CWC15: variants seen among roughly 807,000 people sequenced by gnomAD.
CWC15 encodes spliceosome-associated protein CWC15 homolog.
A neutral mutation model predicts 28.4 loss-of-function variants in CWC15; 12 were observed. That is an observed-to-expected ratio of 0.42 (90% CI 0.27 to 0.69). The LOEUF is 0.69. Among genes scored for constraint, CWC15 ranks in the 30% least tolerant of loss-of-function variants. The pLI, the probability that CWC15 is intolerant of heterozygous loss-of-function variation, is 0.23. For missense variants in CWC15, 192 were observed against 271.5 expected, an observed-to-expected ratio of 0.71 and a Z score of 2.06; for synonymous variants, 92 against 88.4, an observed-to-expected ratio of 1.04 and a Z score of -0.23.
intron 5 of CWC15, among the ~76,000 whole-genome samples, chr11:94,969,420 T>C (rs1555095803): frequency 6.6e-6 from 1 of 152,190 alleles, no homozygotes; most frequent in East Asian, 1.9e-4. Context: ...CAGTATTGTT[T>C]TGCAAACCTC....
intron 4 of CWC15, 152 bp from the exon 5 acceptor site, chr11:94,970,248 C>CA: frequency 2.4e-6 from 1 of 413,346 alleles, no homozygotes; most frequent in Non-Finnish European, 4.3e-6. Flanking sequence ...CTCAAAAGTG[C>CA]AAAAAAGTGT....
At chr11:94,967,490 C>CT (rs1302261086) in intron 5 of CWC15, among the ~76,000 whole-genome samples, 1 of 152,166 alleles carries the variant, frequency 6.6e-6, no homozygotes, top group African/African-American at 2.4e-5. Context: ...CTAGATCTAC[C>CT]TGTTAACATG....
At position 94,970,076 on chromosome 11, in the gene CWC15, T is replaced by C. The variant is rs1590959620; in HGVS notation, c.354A>G (p.Glu118=). 6.5e-7 allele frequency: 1 copy of C among 1,531,296 alleles called. No homozygotes were observed. The highest frequency in any genetic ancestry group is 2.3e-5 in the East Asian group (1 of 42,952). 94.9% of individuals were successfully genotyped at this position (1,531,296 alleles called of 1,614,324 possible). The stretch of plus-strand genomic sequence containing the variant: ...CAGTATCATCATCATCACTTTCTTC[T>C]TCAAAATCTTCATCTTCCTCCTAAA... The part of the protein sequence containing the change: ...PLTDEEDEDF[E]EESDDDDTAA... Residue 118 remains glutamate, a synonymous_variant, in exon 5 of 7, where the codon GAA becomes GAG. Coordinates refer to ENST00000279839, the MANE Select transcript of CWC15 (RefSeq NM_016403.4).
chr11:94,971,405 T>C lies in CWC15; in HGVS notation c.214A>G (p.Arg72Gly). 1 of 1,612,974 alleles carries C rather than the reference T, an allele frequency of 6.2e-7. No homozygotes were observed. The highest frequency in any genetic ancestry group is 8.5e-7 in the Non-Finnish European group (1 of 1,179,412). Residue 72 changes from arginine to glycine, a missense_variant, in exon 3 of 7, where the codon AGA (arginine) becomes GGA (glycine). This residue lies in a region of CWC15 where 188 missense variants were observed against 250.3 expected (regional missense o/e 0.75). Coordinates refer to ENST00000279839, the MANE Select transcript of CWC15 (RefSeq NM_016403.4). ...GTTGGACGATCCCTATTTTTCTCTCTTGCAGCAGCTCTCTCTCTTTCTTCC... is the reference window on the plus strand; with the variant it reads ...GTTGGACGATCCCTATTTTTCTCTCCTGCAGCAGCTCTCTCTCTTTCTTCC... ...ELEERERAAA[R>G]EKNRDRPTRE... is the part of the protein sequence containing the mutation.
intron 3 of CWC15, 151 bp downstream of exon 3, chr11:94,971,224 G>T: frequency 1.1e-6 from 1 of 934,170 alleles, no homozygotes; most frequent in Non-Finnish European, 1.7e-6. Flanking sequence ...GTAAATATTT[G>T]TTGTTATTAT....
At chr11:94,972,758 T>C (rs782801118) in intron 1 of CWC15, among the ~76,000 whole-genome samples, 11 of 152,112 alleles carry the variant, frequency 7.2e-5, no homozygotes, top group Non-Finnish European at 1.6e-4. Context: ...CAATGACAGT[T>C]ACACAGAAAA....
At chr11:94,971,676 C>A (rs1195522249) in intron 2 of CWC15, among the ~76,000 whole-genome samples, 189 bp from the exon 3 acceptor site, 2 of 152,200 alleles carry the variant, frequency 1.3e-5, no homozygotes, top group Admixed American at 6.5e-5. Flanking sequence ...CCCAATATTT[C>A]AAGAAGTCCA....
At position 94,973,527 on chromosome 11, in the gene CWC15, G is replaced by A. The variant is rs908581569; in HGVS notation, c.-38C>T. On this transcript the variant is annotated 5_prime_UTR_variant, in exon 1 of 7. Transcript: ENST00000279839. The stretch of plus-strand genomic sequence containing the variant: ...GCCGAGGTCCGATGCAGCAGGCTCC[G>A]AAGATCATACAGACGCCATTACCAC... 1.3e-5 allele frequency: 2 copies of A among 152,390 alleles called. No homozygotes were observed. Among genetic ancestry groups the A allele is most frequent in the Non-Finnish European group, 2.9e-5 (2 of 68,158 alleles). The allele number at this position is 152,390 out of a possible 1,614,324, so 9.4% of individuals were successfully genotyped here.
chr11:94,971,923 A>T, intron 2 of CWC15, 132 bp downstream of exon 2: 1 of 853,966 alleles, frequency 1.2e-6, no homozygotes, highest in East Asian at 2.5e-5. Flanking sequence ...TTTAGTGTTA[A>T]ACATCCTATT....
chr11:94,970,665 C>A, intron 4 of CWC15: 1 of 322,612 alleles, frequency 3.1e-6, no homozygotes, highest in Non-Finnish European at 5.9e-6. Context: ...TGAAGAGTGC[C>A]CTGGAGAGGT....
chr11:94,972,941 C>G (rs1857746049), intron 1 of CWC15, among the ~76,000 whole-genome samples: 1 of 148,718 alleles, frequency 6.7e-6, no homozygotes, highest in Admixed American at 6.8e-5. Context: ...TTACTTTCTG[C>G]TTGGAGCAGT....
chr11:94,971,216 A>C, intron 3 of CWC15, 151 bp from the exon 4 acceptor site: 1 of 955,472 alleles, frequency 1.0e-6, no homozygotes, highest in South Asian at 1.5e-5. Context: ...AGCCTTTGGT[A>C]AATATTTGTT....
chr11:94,963,565 CAAG>C (rs1373148917), intron 6 of CWC15, 51 bp from the exon 7 acceptor site: 9 of 1,513,168 alleles, frequency 5.9e-6, no homozygotes, highest in African/African-American at 5.6e-5. Flanking sequence ...TATCAGGAGA[CAAG>C]AATACTACAT....
chr11:94,972,996 G>C (rs2134105120), intron 1 of CWC15, among the ~76,000 whole-genome samples: 1 of 148,650 alleles, frequency 6.7e-6, no homozygotes, highest in Middle Eastern at 3.5e-3. Flanking sequence ...AACCCTGTTA[G>C]TGTCGGAAAA....
At chr11:94,967,621 AAT>A (rs1857664078) in intron 5 of CWC15, among the ~76,000 whole-genome samples, 1 of 152,218 alleles carries the variant, frequency 6.6e-6, no homozygotes, top group Admixed American at 6.5e-5. Context: ...TTATTATTTT[AAT>A]AATCTAATTT....
intron 5 of CWC15, 74 bp from the exon 6 acceptor site, chr11:94,966,487 G>GAAA: frequency 1.9e-6 from 1 of 527,252 alleles, no homozygotes; most frequent in Non-Finnish European, 2.7e-6. Flanking sequence ...TTAGCTCACT[G>GAAA]AAAAAAAAAA....
chr11:94,966,128 G>GT (rs1233743097), intron 6 of CWC15, among the ~76,000 whole-genome samples, 167 bp downstream of exon 6: 2 of 151,980 alleles, frequency 1.3e-5, no homozygotes, highest in Non-Finnish European at 2.9e-5. Context: ...ACAGAGAAGA[G>GT]TATCAGTGAA....
intron 6 of CWC15, 77 bp from the exon 7 acceptor site, chr11:94,963,591 T>C (rs1257433032): frequency 7.9e-7 from 1 of 1,268,492 alleles, no homozygotes; most frequent in South Asian, 1.8e-5. Context: ...ACTGCAAGGC[T>C]TAGTCAGTTA....
chr11:94,970,080 A>G lies in CWC15; in HGVS notation c.350T>C (p.Phe117Ser). ...ATCATCATCATCACTTTCTTCTTCA[A>G]AATCTTCATCTTCCTCCTAAAAGAA... ...DPLTDEEDED[F>S]EEESDDDDTA... Residue 117 changes from phenylalanine to serine, a missense_variant, in exon 5 of 7, where the codon TTT (phenylalanine) becomes TCT (serine). By Grantham distance (155) the Phe-to-Ser change is radical. This residue lies in a region of CWC15 where 188 missense variants were observed against 250.3 expected (regional missense o/e 0.75). Transcript: ENST00000279839. 1 of 1,530,708 alleles carries G rather than the reference A, an allele frequency of 6.5e-7. No homozygotes were observed. The highest frequency in any genetic ancestry group is 1.4e-5 in the African/African-American group (1 of 73,146). The allele number at this position is 1,530,708 out of a possible 1,614,324, so 94.8% of individuals were successfully genotyped here.
Sources: gnomAD v4.1 joint callset for allele counts (sites outside exome capture counted in the v4.1 genomes callset) on GRCh38, gnomAD v4.1.1 for gene constraint, gnomAD v4.1.1 regional missense constraint, MANE v1.5 for transcripts, NCBI Gene and HGNC (gene_info 2026-07-23, HGNC 2026-07-21) for gene names.